The following PIK3C2A variants were observed in gnomAD, a reference collection of about 807,000 sequenced individuals.
PIK3C2A encodes the protein phosphatidylinositol 4-phosphate 3-kinase C2 domain-containing subunit alpha.
A neutral mutation model predicts 204.5 loss-of-function variants in PIK3C2A; 97 were observed. The ratio of observed to expected loss-of-function variants is 0.47; its 90% CI spans 0.40 to 0.56. PIK3C2A has a LOEUF of 0.56. Among genes scored for constraint, PIK3C2A ranks in the 20% least tolerant of loss-of-function variants. PIK3C2A has a pLI of 0.00. For synonymous variants in PIK3C2A, 653 were observed against 664.4 expected (o/e 0.98, Z 0.26); for missense variants, 1,735 against 1,969.2 (o/e 0.88, Z 2.25).
rs1262417547 is a variant in PIK3C2A, at chr11:17,101,302, G to C, written c.3984C>G (p.Asn1328Lys). Reference sequence around the variant, plus strand: ...CCAGTGAAAGGAGGTTAAGAAAAAGGTTTGTCTGCTTTCTTATCAAGTTGT... The same window carrying C: ...CCAGTGAAAGGAGGTTAAGAAAAAGCTTTGTCTGCTTTCTTATCAAGTTGT... ...QAYNLIRKQT[N>K]LFLNLLSLMI... Residue 1328 changes from asparagine to lysine, a missense_variant, in exon 25 of 33, where the codon AAC becomes AAG. Physicochemically the swap from Asn to Lys is moderately conservative, Grantham distance 94. Around this residue, in one of 6 missense-constraint regions of PIK3C2A, gnomAD observed 503 missense variants for 669.0 expected, o/e 0.75. Transcript: ENST00000691414. 3 of 1,556,880 alleles carry C rather than the reference G, an allele frequency of 1.9e-6. No homozygotes were observed. The highest frequency in any genetic ancestry group is 1.3e-5 in the African/African-American group (1 of 74,294).
At chr11:17,180,405 G>A (rs2137522588) in intron 1 of PIK3C2A, among the ~76,000 whole-genome samples, 1 of 151,772 alleles carries the variant, frequency 6.6e-6, no homozygotes, top group South Asian at 2.1e-4. Flanking sequence ...CCATAAAAAT[G>A]TCAGTGAAAA....
intron 1 of PIK3C2A, among the ~76,000 whole-genome samples, chr11:17,204,078 A>G (rs1294019158): frequency 7.0e-6 from 1 of 142,494 alleles, no homozygotes; most frequent in African/African-American, 2.6e-5. Flanking sequence ...CGTCTCAAAG[A>G]AAAAAAAAAA....
At chr11:17,158,745 T>G (rs1850685338) in intron 2 of PIK3C2A, among the ~76,000 whole-genome samples, 1 of 152,208 alleles carries the variant, frequency 6.6e-6, no homozygotes, top group Non-Finnish European at 1.5e-5. Flanking sequence ...ATGTTTTACT[T>G]ATTTTAAAAA....
intron 2 of PIK3C2A, among the ~76,000 whole-genome samples, chr11:17,157,302 A>G (rs1850628185): frequency 6.6e-6 from 1 of 152,022 alleles, no homozygotes; most frequent in Non-Finnish European, 1.5e-5. Flanking sequence ...TCTACTAAAA[A>G]TACAAAAATT....
At chr11:17,138,181 G>T (rs1849937583) in intron 8 of PIK3C2A, 7 of 894,316 alleles carry the variant, frequency 7.8e-6, no homozygotes, top group Admixed American at 5.2e-5. Flanking sequence ...AGTCTACCTG[G>T]GTACACACCA....
intron 2 of PIK3C2A, among the ~76,000 whole-genome samples, chr11:17,158,864 C>T (rs565117636): frequency 1.3e-5 from 2 of 152,034 alleles, no homozygotes; most frequent in Non-Finnish European, 2.9e-5. Flanking sequence ...ATTCAAGTTA[C>T]GAGTTTGAAT....
chr11:17,186,910 C>A (rs1424713930), intron 1 of PIK3C2A, among the ~76,000 whole-genome samples: 1 of 152,272 alleles, frequency 6.6e-6, no homozygotes, highest in East Asian at 1.9e-4. Context: ...AAAACCCCAT[C>A]TCTATTAAAA....
At chr11:17,115,641 CTTTT>C (rs1429655154) in intron 19 of PIK3C2A, 1 of 151,366 alleles carries the variant, frequency 6.6e-6, no homozygotes, top group East Asian at 1.9e-4. Context: ...ATGTGGTCAA[CTTTT>C]TTATTTAAAA....
intron 27 of PIK3C2A, among the ~76,000 whole-genome samples, chr11:17,095,313 C>T (rs1245969062): frequency 3.3e-5 from 5 of 150,358 alleles, no homozygotes; most frequent in Non-Finnish European, 5.9e-5. Context: ...CAGTGGTTCA[C>T]GCCTGTAATC....
intron 1 of PIK3C2A, among the ~76,000 whole-genome samples, chr11:17,178,042 G>A (rs1243448672): frequency 3.1e-5 from 4 of 130,388 alleles, no homozygotes; most frequent in African/African-American, 6.2e-5. Flanking sequence ...GCAGTGAGCC[G>A]AGATCATGCC....
At chr11:17,118,073 T>C (rs1277655893) in intron 18 of PIK3C2A, among the ~76,000 whole-genome samples, 2 of 116,440 alleles carry the variant, frequency 1.7e-5, no homozygotes, top group East Asian at 4.1e-4. Context: ...TCAATTTTTT[T>C]TTCTTTTTTT....
intron 22 of PIK3C2A, 113 bp downstream of exon 22, chr11:17,110,319 A>G (rs1210626256): frequency 6.8e-6 from 5 of 731,298 alleles, no homozygotes; most frequent in African/African-American, 3.6e-5. Flanking sequence ...CTGGATTAAA[A>G]TAAGAAACAA....
rs61173745 is a variant in PIK3C2A, at chr11:17,093,647, TG to T, written c.4451+613del. On this transcript the variant is annotated intron_variant, in intron 28 of 32. Transcript: ENST00000691414. ...CTGATTTAGCATATGACTTTTTTTT[TG>T]GGGGGGGGGGACAGGGTCTCATTCT... 6.0e-3 allele frequency among the ~76,000 whole-genome samples: 800 copies of T among 132,984 alleles called. 7 individuals carry two copies. The highest frequency in any genetic ancestry group is 0.016 in the African/African-American group (583 of 35,880). The allele number at this position is 132,984 out of a possible 152,430, so 87.2% of individuals were successfully genotyped here. A position where few individuals can be genotyped will look rare whatever the true frequency, so the allele number is the denominator to read the frequency against.
chr11:17,118,606 G>T, intron 18 of PIK3C2A, 39 bp downstream of exon 18: 1 of 898,486 alleles, frequency 1.1e-6, no homozygotes, highest in Non-Finnish European at 1.8e-6. Flanking sequence ...ATAAATTCTA[G>T]GAATGGAAAT....
chr11:17,120,495 T>C (rs1849336679), intron 15 of PIK3C2A, among the ~76,000 whole-genome samples: 1 of 151,786 alleles, frequency 6.6e-6, no homozygotes, highest in South Asian at 2.1e-4. Flanking sequence ...TCCATCCATA[T>C]ATATATAAAT....
intron 1 of PIK3C2A, among the ~76,000 whole-genome samples, chr11:17,171,953 G>C (rs936135840): frequency 4.6e-5 from 7 of 152,132 alleles, no homozygotes; most frequent in African/African-American, 1.7e-4. Context: ...ATGGATAGCA[G>C]GATAGATGGA....
chr11:17,137,934 A>T, intron 8 of PIK3C2A: 1 of 431,812 alleles, frequency 2.3e-6, no homozygotes, highest in Non-Finnish European at 4.3e-6. Context: ...TAATTTTTTT[A>T]AAAAGTCTTT....
At chr11:17,165,344 G>C (rs971681075) in intron 2 of PIK3C2A, among the ~76,000 whole-genome samples, 1 of 152,134 alleles carries the variant, frequency 6.6e-6, no homozygotes, top group Non-Finnish European at 1.5e-5. Context: ...TCCAAATCAG[G>C]ACTGAGTAGG....
chr11:17,089,660 T>A lies in PIK3C2A; in HGVS notation c.*78A>T, dbSNP rs1848240915. 1 of 784,128 alleles carries A rather than the reference T, an allele frequency of 1.3e-6. No homozygotes were observed. The highest frequency in any genetic ancestry group is 1.7e-5 in the African/African-American group (1 of 57,846). 48.6% of individuals were successfully genotyped at this position (784,128 alleles called of 1,614,324 possible). ...TATACAAAATTAACAAGTGTGTGTG[T>A]GTGTGTCTGTGTGTGTGTGCATGTA... On this transcript the variant is annotated 3_prime_UTR_variant, in exon 33 of 33. Coordinates refer to ENST00000691414, the MANE Select transcript of PIK3C2A (RefSeq NM_002645.4).
Sources: allele counts gnomAD v4.1 joint callset (sites outside exome capture counted in the v4.1 genomes callset), GRCh38; gene constraint gnomAD v4.1.1; regional missense constraint gnomAD v4.1.1; transcripts MANE v1.5; gene names NCBI Gene and HGNC (gene_info 2026-07-23, HGNC 2026-07-21).